Variants in ROBO2 observed in about 807,000 individuals in gnomAD.
ROBO2 encodes the protein roundabout guidance receptor 2, also known as roundabout homolog 2.
Under a neutral mutation model 160.8 loss-of-function variants are expected in ROBO2, and 53 were observed. The ratio of observed to expected loss-of-function variants is 0.33; its 90% CI spans 0.26 to 0.41. The LOEUF (loss-of-function observed/expected upper bound fraction) is 0.41, where lower values mean the gene tolerates loss of function less well. Ranked by LOEUF, ROBO2 falls within the 10% of genes least tolerant of loss-of-function variation. ROBO2 has a pLI of 1.00. For missense variants in ROBO2, 1,577 were observed against 1,722.4 expected (o/e 0.92, Z 1.49); for synonymous variants, 664 against 611.7 (o/e 1.09, Z -1.26).
intron 2 of ROBO2, among the ~76,000 whole-genome samples, chr3:76,297,706 TAAAA>T (rs71277576): frequency 0.015 from 830 of 56,654 alleles, 12 homozygotes; most frequent in African/African-American, 0.049. Flanking sequence ...CTGCTTTCCT[TAAAA>T]AAAAAAAAAA....
At chr3:77,128,562 A>AT (rs1303603465) in intron 2 of ROBO2, among the ~76,000 whole-genome samples, 1 of 152,022 alleles carries the variant, frequency 6.6e-6, no homozygotes, top group East Asian at 1.9e-4. Context: ...GTTTTGCAAT[A>AT]TTTTTTTCAG....
chr3:77,091,436 T>G (rs1200557991), intron 1 of ROBO2, among the ~76,000 whole-genome samples: 1 of 152,164 alleles, frequency 6.6e-6, no homozygotes, highest in Non-Finnish European at 1.5e-5. Flanking sequence ...ATCAAATATT[T>G]TATCAAAAAT....
intron 6 of ROBO2, among the ~76,000 whole-genome samples, chr3:77,524,652 C>T (rs1257197369): frequency 6.6e-6 from 1 of 151,282 alleles, no homozygotes; most frequent in Non-Finnish European, 1.5e-5. Context: ...TGCTTTAAGA[C>T]CTTTCCCAGC....
intron 1 of ROBO2, among the ~76,000 whole-genome samples, chr3:77,073,539 C>T (rs1254099828): frequency 6.6e-6 from 1 of 152,170 alleles, no homozygotes; most frequent in Non-Finnish European, 1.5e-5. Flanking sequence ...GAAGGGCTCT[C>T]ATTTTTCACC....
chr3:76,238,283 G>A (rs1705071173), intron 2 of ROBO2, among the ~76,000 whole-genome samples: 1 of 152,152 alleles, frequency 6.6e-6, no homozygotes, highest in Non-Finnish European at 1.5e-5. Context: ...AAAGGCCTCA[G>A]GAAACTTATA....
chr3:75,957,977 T>C (rs1310617320), intron 2 of ROBO2, among the ~76,000 whole-genome samples: 1 of 151,738 alleles, frequency 6.6e-6, no homozygotes, highest in Non-Finnish European at 1.5e-5. Context: ...GAGGACTTCC[T>C]GTTAGAAATA....
At chr3:76,628,474 T>G in intron 2 of ROBO2, among the ~76,000 whole-genome samples, 1 of 151,276 alleles carries the variant, frequency 6.6e-6, no homozygotes, top group East Asian at 1.9e-4. Context: ...TGCTATGTTG[T>G]CCAGGCTTGT....
intron 2 of ROBO2, among the ~76,000 whole-genome samples, chr3:76,976,124 A>G (rs971224907): frequency 6.6e-6 from 1 of 152,224 alleles, no homozygotes; most frequent in African/African-American, 2.4e-5. Flanking sequence ...AAATATCTAA[A>G]CTGAAGACTC....
chr3:76,338,178 C>T (rs1031918586), intron 2 of ROBO2, among the ~76,000 whole-genome samples: 2 of 152,156 alleles, frequency 1.3e-5, no homozygotes, highest in African/African-American at 4.8e-5. Context: ...GTAAACTTTA[C>T]ATACCCAACT....
At chr3:77,172,680 A>C (rs992299581) in intron 2 of ROBO2, among the ~76,000 whole-genome samples, 5 of 152,200 alleles carry the variant, frequency 3.3e-5, no homozygotes, top group Non-Finnish European at 7.3e-5. Flanking sequence ...AGTAGGTTTT[A>C]ATACTGCTGA....
chr3:76,968,287 T>C (rs922728041), intron 2 of ROBO2, among the ~76,000 whole-genome samples: 1 of 152,184 alleles, frequency 6.6e-6, no homozygotes, highest in African/African-American at 2.4e-5. Flanking sequence ...ATGAAATTTC[T>C]AATATCATTT....
chr3:76,968,581 T>A (rs2059421223), intron 2 of ROBO2, among the ~76,000 whole-genome samples: 1 of 152,178 alleles, frequency 6.6e-6, no homozygotes, highest in Admixed American at 6.5e-5. Context: ...AATGATTAAG[T>A]CAATGGTTCA....
Position 76,449,524 on chromosome 3 carries a change from G to A in ROBO2, c.109+511922G>A, listed in dbSNP as rs1456295582. Among the ~76,000 whole-genome samples, 10 of 152,110 alleles carry A rather than the reference G, an allele frequency of 6.6e-5. No homozygotes were observed. In the East Asian group the frequency reaches 7.7e-4, roughly 12 times the overall value. On this transcript the variant is annotated intron_variant, in intron 2 of 26. Transcript: ENST00000487694. ...ATATTTCATAAGAACTTTCTTAACC[G>A]GACTCGATTTAACTGGAGTTTGAAG...
chr3:77,319,940 A>G (rs2064495810), intron 2 of ROBO2, among the ~76,000 whole-genome samples: 1 of 152,184 alleles, frequency 6.6e-6, no homozygotes, highest in African/African-American at 2.4e-5. Flanking sequence ...AACGTGGTCA[A>G]TCCATGACTT....
chr3:75,920,183 T>C (rs1157971752), intron 1 of ROBO2, among the ~76,000 whole-genome samples: 1 of 152,244 alleles, frequency 6.6e-6, no homozygotes, highest in East Asian at 1.9e-4. Context: ...TAAATTTCCC[T>C]CTAAACACTG....
At chr3:76,574,673 T>C (rs1415599210) in intron 2 of ROBO2, among the ~76,000 whole-genome samples, 1 of 152,038 alleles carries the variant, frequency 6.6e-6, no homozygotes, top group Non-Finnish European at 1.5e-5. Flanking sequence ...CTAGGCTAAA[T>C]CTCCCTGAGC....
At chr3:76,964,614 T>C (rs1559772875) in intron 2 of ROBO2, among the ~76,000 whole-genome samples, 1 of 152,158 alleles carries the variant, frequency 6.6e-6, no homozygotes, top group Admixed American at 6.6e-5. Context: ...AATATACTCC[T>C]AATATATCAT....
intron 2 of ROBO2, among the ~76,000 whole-genome samples, chr3:77,434,249 C>T (rs555996418): frequency 6.6e-6 from 1 of 152,052 alleles, no homozygotes; most frequent in Non-Finnish European, 1.5e-5. Flanking sequence ...GAATATCTTT[C>T]TCAGCAGAAC....
chr3:77,519,456 C>A (rs1216015764), intron 5 of ROBO2, among the ~76,000 whole-genome samples: 2 of 151,102 alleles, frequency 1.3e-5, no homozygotes, highest in East Asian at 3.9e-4. Context: ...TGCCATCACC[C>A]AGAAAGTGAG....
Sources: gnomAD v4.1 joint callset for allele counts (sites outside exome capture counted in the v4.1 genomes callset) on GRCh38, gnomAD v4.1.1 for gene constraint, MANE v1.5 for transcripts, NCBI Gene and HGNC (gene_info 2026-07-23, HGNC 2026-07-21) for gene names.